SLC9B1: variants seen among roughly 807,000 people sequenced by gnomAD.
SLC9B1 encodes sodium/hydrogen exchanger 9B1.
SLC9B1 carries 32 observed loss-of-function variants against 51.7 expected under a neutral mutation model. That is an observed-to-expected ratio of 0.62 (90% confidence interval 0.47 to 0.83). SLC9B1 has a LOEUF of 0.83. Ranked by LOEUF, SLC9B1 falls within the 40% of genes least tolerant of loss-of-function variation. SLC9B1 has a pLI of 0.00. For missense variants in SLC9B1, 406 were observed against 613.2 expected (o/e 0.66, Z 3.57); for synonymous variants, 145 against 212.7 (o/e 0.68, Z 2.77).
intron 7 of SLC9B1, among the ~76,000 whole-genome samples, chr4:102,915,484 G>T (rs6847191): frequency 0.58 from 88,226 of 152,002 alleles, 27,032 homozygotes; most frequent in African/African-American, 0.79. Flanking sequence ...AGCCTTGCAG[G>T]CCTGGGCTAA....
intron 1 of SLC9B1, among the ~76,000 whole-genome samples, chr4:102,995,970 G>T (rs986601504): frequency 6.6e-6 from 1 of 152,110 alleles, no homozygotes; most frequent in Non-Finnish European, 1.5e-5. Context: ...AACTATGGAT[G>T]CAGGAAAGTT....
intron 7 of SLC9B1, among the ~76,000 whole-genome samples, chr4:102,922,751 A>C (rs1238934246): frequency 6.6e-6 from 1 of 152,208 alleles, no homozygotes; most frequent in Non-Finnish European, 1.5e-5. Flanking sequence ...GGAAATACAA[A>C]CTACCATCAG....
intron 11 of SLC9B1, among the ~76,000 whole-genome samples, chr4:102,902,779 G>A (rs1734848529): frequency 6.6e-6 from 1 of 152,004 alleles, no homozygotes; most frequent in Non-Finnish European, 1.5e-5. Context: ...CAATTGCCAA[G>A]CTGATCTTAC....
At chr4:102,974,642 T>C (rs1458411225) in intron 3 of SLC9B1, among the ~76,000 whole-genome samples, 1 of 152,166 alleles carries the variant, frequency 6.6e-6, no homozygotes, top group Admixed American at 6.6e-5. Flanking sequence ...TATCTATTTT[T>C]AAAAATTCAA....
chr4:102,975,585 T>TATAC (rs1739022852), intron 3 of SLC9B1, among the ~76,000 whole-genome samples: 1 of 93,578 alleles, frequency 1.1e-5, no homozygotes, highest in Non-Finnish European at 2.0e-5. Flanking sequence ...TATATATATA[T>TATAC]ATTTTTTTTT....
At chr4:102,943,166 T>TA (rs139951941) in intron 6 of SLC9B1, among the ~76,000 whole-genome samples, 68,368 of 144,120 alleles carry the variant, frequency 0.47, 15,692 homozygotes, top group East Asian at 0.53. Context: ...ATCAAAAAAA[T>TA]AAAAAAAAAA....
intron 11 of SLC9B1, among the ~76,000 whole-genome samples, chr4:102,893,705 C>A (rs1208460791): frequency 6.6e-6 from 1 of 152,088 alleles, no homozygotes; most frequent in Non-Finnish European, 1.5e-5. Flanking sequence ...GGGTGGATCA[C>A]TTAAGGTCAG....
chr4:102,925,413 G>T (rs1386368905), intron 7 of SLC9B1, among the ~76,000 whole-genome samples: 1 of 152,088 alleles, frequency 6.6e-6, no homozygotes, highest in East Asian at 1.9e-4. Flanking sequence ...ATGGAGTGTG[G>T]GGAGGGAGGG....
rs748889367 is a variant in SLC9B1 at position 102,989,934 on chromosome 4, A to G, written c.77T>C (p.Ile26Thr). The change falls in exon 3 of 12, where the codon ATT (isoleucine) becomes ACT (threonine). Residue 26 changes from isoleucine (I) to threonine (T), a missense_variant. Ile to Thr is a moderately conservative substitution (Grantham distance 89, BLOSUM62 -1). Around this residue, in one of 6 missense-constraint regions of SLC9B1, gnomAD observed 108 missense variants for 94.5 expected, o/e 1.14. Coordinates refer to ENST00000296422, the MANE Select transcript of SLC9B1 (RefSeq NM_139173.4). ...TTCCTGTGCAGTATTATTAGGATCA[A>G]TGAGACTCTGTAGTAAAACAAGAAA... ...FQTSTTPQSL[I>T]DPNNTAQEET... The G allele has an allele frequency of 6.3e-7, 1 of 1,580,954 alleles. No individual in the cohort carries two copies. The highest frequency in any genetic ancestry group is 1.2e-5 in the South Asian group (1 of 86,496).
At chr4:102,942,510 G>A (rs190305274) in intron 6 of SLC9B1, among the ~76,000 whole-genome samples, 1 of 152,164 alleles carries the variant, frequency 6.6e-6, no homozygotes, top group Non-Finnish European at 1.5e-5. Context: ...ATAGAGAACT[G>A]AGAAATAAAG....
intron 5 of SLC9B1, among the ~76,000 whole-genome samples, chr4:102,945,556 G>A (rs1737227093): frequency 6.6e-6 from 1 of 151,878 alleles, no homozygotes; most frequent in African/African-American, 2.4e-5. Flanking sequence ...ATTATTAAAA[G>A]ATCAATTTTA....
intron 7 of SLC9B1, among the ~76,000 whole-genome samples, chr4:102,921,509 G>A (rs1420734718): frequency 6.9e-6 from 1 of 144,742 alleles, no homozygotes; most frequent in Non-Finnish European, 1.6e-5. Context: ...TCAATTAACG[G>A]GCAAATAACC....
Position 102,943,479 on chromosome 4 carries a change from G to A in SLC9B1, c.653+1714C>T, listed in dbSNP as rs1382650862. On this transcript the variant is annotated intron_variant, in intron 6 of 11. Coordinates refer to ENST00000296422, the MANE Select transcript of SLC9B1 (RefSeq NM_139173.4). ...TACAGAAAATGTGGTGTATATATAC[G>A]TATCTATGTGTATATATGTGTATGT... is the stretch of plus-strand genomic sequence containing the variant. 4.6e-5 allele frequency among the ~76,000 whole-genome samples: 6 copies of A among 131,032 alleles called. No individual in the cohort carries two copies. In the East Asian group the frequency reaches 6.8e-4, roughly 15 times the overall value. The allele number at this position is 131,032 out of a possible 152,430, so 86.0% of individuals were successfully genotyped here.
intron 1 of SLC9B1, among the ~76,000 whole-genome samples, chr4:103,000,067 C>G (rs1740440744): frequency 2.0e-5 from 3 of 152,144 alleles, no homozygotes; most frequent in Admixed American, 2.0e-4. Context: ...CATTCACTGT[C>G]TTGAGAATAG....
At chr4:102,993,033 G>T (rs374313697) in intron 1 of SLC9B1, among the ~76,000 whole-genome samples, 399 of 152,276 alleles carry the variant, frequency 2.6e-3, no homozygotes, top group African/African-American at 9.1e-3. Flanking sequence ...TGTGGGGATT[G>T]TTATAACTCA....
At chr4:102,910,738 T>C (rs1400954150) in intron 8 of SLC9B1, 150 bp from the exon 9 acceptor site, 1 of 377,626 alleles carries the variant, frequency 2.6e-6, no homozygotes, top group East Asian at 6.0e-5. Context: ...TCTCACCATA[T>C]ATTTTAGCAG....
intron 1 of SLC9B1, among the ~76,000 whole-genome samples, chr4:103,014,120 C>T (rs1741206648): frequency 6.6e-6 from 1 of 152,174 alleles, no homozygotes; most frequent in Non-Finnish European, 1.5e-5. Flanking sequence ...AGGCTCTAAC[C>T]TTGACCCTGC....
downstream of SLC9B1, chr4:102,897,342 G>GT (rs1177823731): frequency 6.4e-6 from 1 of 155,972 alleles, no homozygotes; most frequent in Non-Finnish European, 1.4e-5. Context: ...TTTGATTTGT[G>GT]TATGTTTCTC....
At chr4:102,994,918 A>G (rs1024765744) in intron 1 of SLC9B1, among the ~76,000 whole-genome samples, 6 of 152,298 alleles carry the variant, frequency 3.9e-5, no homozygotes, top group African/African-American at 1.4e-4. Context: ...CATGGGGATT[A>G]TTACAATTCA....
Sources: allele counts gnomAD v4.1 joint callset (sites outside exome capture counted in the v4.1 genomes callset), GRCh38; gene constraint gnomAD v4.1.1; regional missense constraint gnomAD v4.1.1; transcripts MANE v1.5; gene names NCBI Gene and HGNC (gene_info 2026-07-23, HGNC 2026-07-21).